ACADL: variants seen among roughly 807,000 people sequenced by gnomAD.
The protein encoded by ACADL is long-chain specific acyl-CoA dehydrogenase, mitochondrial.
ACADL carries 60 observed loss-of-function variants against 56.9 expected under a neutral mutation model. That is an observed-to-expected ratio of 1.05 (90% confidence interval 0.86 to 1.31). ACADL has a LOEUF of 1.31. ACADL is among the 50% of genes most tolerant of loss of function. The pLI is 0.00. For synonymous variants in ACADL, 158 were observed against 179.7 expected, an observed-to-expected ratio of 0.88 and a Z score of 0.97; for missense variants, 484 against 525.5, an observed-to-expected ratio of 0.92 and a Z score of 0.77.
chr2:210,214,515 A>AAGAAAGAG, intron 4 of ACADL, among the ~76,000 whole-genome samples: 1 of 151,576 alleles, frequency 6.6e-6, no homozygotes, highest in African/African-American at 2.4e-5. Flanking sequence ...AAGAAAAAGA[A>AAGAAAGAG]AGAAAGAAAG....
chr2:210,220,133 C>A (rs1689150399), intron 2 of ACADL, among the ~76,000 whole-genome samples: 1 of 152,102 alleles, frequency 6.6e-6, no homozygotes, highest in East Asian at 1.9e-4. Flanking sequence ...CAACTTGTAA[C>A]CCCATACTAA....
chr2:210,225,377 C>T lies in ACADL; in HGVS notation c.-114G>A. 7.9e-7 allele frequency: 1 copy of T among 1,263,616 alleles called. No individual in the cohort carries two copies. The highest frequency in any genetic ancestry group is 2.5e-5 in the Admixed American group (1 of 39,620). The allele number at this position is 1,263,616 out of a possible 1,614,324, so 78.3% of individuals were successfully genotyped here. On this transcript the variant is annotated 5_prime_UTR_variant, in exon 1 of 11. Coordinates refer to ENST00000233710, the MANE Select transcript of ACADL (RefSeq NM_001608.4). ...AGCTGAGGCGTCCACCTGTGGTGTC[C>T]TCCCAAAAAAGCGCTCGCGCGCGCC... is the stretch of plus-strand genomic sequence containing the variant.
chr2:210,192,877 G>C lies in ACADL; in HGVS notation c.1126C>G (p.Gln376Glu). The C allele has an allele frequency of 6.2e-7, 1 of 1,613,648 alleles. No individual in the cohort carries two copies. Among genetic ancestry groups the C allele is most frequent in the South Asian group, 1.1e-5 (1 of 91,070 alleles). The change falls in exon 10 of 11, where the codon CAA (glutamine) becomes GAA (glutamate). Residue 376 changes from glutamine (Q) to glutamate (E), a missense_variant. Transcript: ENST00000233710. The stretch of plus-strand genomic sequence containing the variant: ...ACACAGTCGTAAGCTACACTATTTT[G>C]TAACTCAGATGCCCTAAATGACCAA... ...CMAKYWASEL[Q>E]NSVAYDCVQL...
intron 2 of ACADL, among the ~76,000 whole-genome samples, chr2:210,219,906 T>C (rs1689146631): frequency 6.6e-6 from 1 of 152,176 alleles, no homozygotes; most frequent in Non-Finnish European, 1.5e-5. Context: ...GTTTTGAGCA[T>C]GTTTAATGTA....
chr2:210,210,555 C>T (rs369997335), intron 4 of ACADL, among the ~76,000 whole-genome samples: 2 of 152,306 alleles, frequency 1.3e-5, no homozygotes, highest in Non-Finnish European at 1.5e-5. Context: ...ACTCACATAA[C>T]ATTTCAAACC....
At chr2:210,191,453 G>A (rs898528687) in intron 10 of ACADL, among the ~76,000 whole-genome samples, 2 of 151,892 alleles carry the variant, frequency 1.3e-5, no homozygotes, top group Non-Finnish European at 2.9e-5. Context: ...CTTATGCCAC[G>A]CTCTAATCTT....
chr2:210,204,071 C>A (rs1461373671), intron 7 of ACADL, among the ~76,000 whole-genome samples: 3 of 152,124 alleles, frequency 2.0e-5, no homozygotes, highest in Admixed American at 2.0e-4. Context: ...TCATGGCAGT[C>A]ACTAGGCAGG....
chr2:210,195,729 G>A (rs966519559), intron 8 of ACADL, among the ~76,000 whole-genome samples: 1 of 152,034 alleles, frequency 6.6e-6, no homozygotes, highest in African/African-American at 2.4e-5. Flanking sequence ...TTAAATCCTT[G>A]AAGATTTTTT....
At chr2:210,215,430 G>C (rs1689070216) in intron 4 of ACADL, among the ~76,000 whole-genome samples, 2 of 152,144 alleles carry the variant, frequency 1.3e-5, no homozygotes, top group South Asian at 4.2e-4. Context: ...CTTTCCAACT[G>C]ACTTCTCTTC....
chr2:210,190,619 CTTAAATCTCACTCCTCA>C (rs1688615894), intron 10 of ACADL, among the ~76,000 whole-genome samples: 1 of 152,076 alleles, frequency 6.6e-6, no homozygotes, highest in African/African-American at 2.4e-5. Context: ...AATGACAAGG[CTTAAATCTCACTCCTCA>C]CGGGCTCGAG....
intron 8 of ACADL, among the ~76,000 whole-genome samples, chr2:210,202,155 C>T (rs955406979): frequency 6.6e-6 from 1 of 152,056 alleles, no homozygotes; most frequent in Non-Finnish European, 1.5e-5. Flanking sequence ...TGCAGTGGTG[C>T]GATCTTGGCT....
chr2:210,200,692 T>C (rs1455303462), intron 8 of ACADL, among the ~76,000 whole-genome samples: 1 of 152,166 alleles, frequency 6.6e-6, no homozygotes, highest in East Asian at 1.9e-4. Context: ...TAAGAAAAGT[T>C]AGGATGTAAA....
chr2:210,192,717 T>C, intron 10 of ACADL, 87 bp downstream of exon 10: 2 of 1,010,816 alleles, frequency 2.0e-6, no homozygotes, highest in South Asian at 2.7e-5. Flanking sequence ...GCACACCTCC[T>C]TTCCCTCTAC....
intron 2 of ACADL, among the ~76,000 whole-genome samples, chr2:210,219,484 A>G (rs1445626917): frequency 1.3e-5 from 2 of 152,092 alleles, no homozygotes; most frequent in East Asian, 3.9e-4. Flanking sequence ...CAAACACACA[A>G]ACAAACAAAC....
intron 2 of ACADL, 40 bp from the exon 3 acceptor site, chr2:210,218,142 ATAT>A: frequency 6.5e-7 from 1 of 1,547,498 alleles, no homozygotes; most frequent in Non-Finnish European, 8.8e-7. Flanking sequence ...TAATTTTTAA[ATAT>A]TATTTAAATG....
At position 210,225,368 on chromosome 2, in the gene ACADL, T is replaced by C; in HGVS notation, c.-105A>G. On this transcript the variant is annotated 5_prime_UTR_variant, in exon 1 of 11. Coordinates refer to ENST00000233710, the MANE Select transcript of ACADL (RefSeq NM_001608.4). ...AGGACGATCAGCTGAGGCGTCCACC[T>C]GTGGTGTCCTCCCAAAAAAGCGCTC... 1 of 1,301,392 alleles carries C rather than the reference T, an allele frequency of 7.7e-7. No individual in the cohort carries two copies. The highest frequency in any genetic ancestry group is 1.4e-5 in the South Asian group (1 of 72,676). The allele number at this position is 1,301,392 out of a possible 1,614,324, so 80.6% of individuals were successfully genotyped here. A position where few individuals can be genotyped will look rare whatever the true frequency, so the allele number is the denominator to read the frequency against.
chr2:210,212,418 C>T (rs1688998721), intron 4 of ACADL, among the ~76,000 whole-genome samples: 2 of 152,110 alleles, frequency 1.3e-5, no homozygotes, highest in South Asian at 4.2e-4. Flanking sequence ...GGCAACAAGG[C>T]AAGGAACGCC....
At chr2:210,217,730 C>A in intron 3 of ACADL, 2 of 496,680 alleles carry the variant, frequency 4.0e-6, no homozygotes, top group Non-Finnish European at 7.1e-6. Flanking sequence ...AAAAAACTAT[C>A]TCTTTAATTT....
rs1444138812 is a variant in ACADL at position 210,188,298 on chromosome 2, T to C, written c.*663A>G. 6.6e-6 allele frequency: 1 copy of C among 152,296 alleles called. No individual in the cohort carries two copies. Among genetic ancestry groups the C allele is most frequent in the African/African-American group, 2.4e-5 (1 of 41,466 alleles). The allele number at this position is 152,296 out of a possible 1,614,324, so 9.4% of individuals were successfully genotyped here. ...ATTCTGTGTTCTCAGATGTCAGCAATTGACAGAACCAAGGCATTCCCTGGT... is the reference window on the plus strand; with the variant it reads ...ATTCTGTGTTCTCAGATGTCAGCAACTGACAGAACCAAGGCATTCCCTGGT... On this transcript the variant is annotated 3_prime_UTR_variant, in exon 11 of 11. Transcript: ENST00000233710.
Sources: allele counts gnomAD v4.1 joint callset (sites outside exome capture counted in the v4.1 genomes callset), GRCh38; gene constraint gnomAD v4.1.1; transcripts MANE v1.5; gene names NCBI Gene and HGNC (gene_info 2026-07-23, HGNC 2026-07-21).